The following TNFSF4 variants were observed in gnomAD, a reference collection of about 807,000 sequenced individuals.
The protein encoded by TNFSF4 is tumor necrosis factor ligand superfamily member 4.
In TNFSF4, 4 loss-of-function variants were observed where a neutral mutation model predicts 7.3. The ratio of observed to expected loss-of-function variants is 0.55; its 90% CI spans 0.27 to 1.25. The LOEUF is 1.25. TNFSF4 is among the 50% of genes most tolerant of loss of function. The probability of loss-of-function intolerance (pLI) is 0.12; values close to 1 mark genes in which losing one functional copy is unlikely to be tolerated. For missense variants in TNFSF4, 181 were observed against 208.8 expected (o/e 0.87, Z 0.82); for synonymous variants, 76 against 83.7 (o/e 0.91, Z 0.50).
At chr1:173,250,403 A>G in the TNFSF4 span, among the ~76,000 whole-genome samples, 1 of 152,150 alleles carries the variant, frequency 6.6e-6, no homozygotes, top group Non-Finnish European at 1.5e-5. Flanking sequence ...ATATGTACAA[A>G]GCTACCAGCC....
the TNFSF4 span, among the ~76,000 whole-genome samples, chr1:173,408,238 G>A: frequency 6.6e-6 from 1 of 152,128 alleles, no homozygotes; most frequent in African/African-American, 2.4e-5. Context: ...AGATGAGTTT[G>A]GAATATCTTG....
the TNFSF4 span, among the ~76,000 whole-genome samples, chr1:173,221,073 C>G: frequency 6.6e-6 from 1 of 152,126 alleles, no homozygotes. Flanking sequence ...GAAGAACATT[C>G]TAGGCAGTAG....
At chr1:173,269,592 G>A in the TNFSF4 span, among the ~76,000 whole-genome samples, 1 of 152,058 alleles carries the variant, frequency 6.6e-6, no homozygotes, top group East Asian at 1.9e-4. Flanking sequence ...AAGCCGGATG[G>A]CTATGAAGTG....
chr1:173,393,162 A>G, the TNFSF4 span, among the ~76,000 whole-genome samples: 1 of 152,200 alleles, frequency 6.6e-6, no homozygotes, highest in African/African-American at 2.4e-5. Flanking sequence ...GTGGAAAAGG[A>G]TACCCAGATG....
the TNFSF4 span, among the ~76,000 whole-genome samples, chr1:173,401,064 C>T: frequency 1.3e-5 from 2 of 152,030 alleles, no homozygotes. Flanking sequence ...TCCTCTCTTA[C>T]TCCCTTATTA....
the TNFSF4 span, among the ~76,000 whole-genome samples, chr1:173,359,886 A>G: frequency 6.6e-6 from 1 of 152,244 alleles, no homozygotes; most frequent in Non-Finnish European, 1.5e-5. Context: ...CTGATGTTCC[A>G]GGTCCTGCCT....
chr1:173,186,370 G>T lies in TNFSF4; in HGVS notation c.*146C>A, dbSNP rs190846117. The T allele has an allele frequency of 8.1e-6, 5 of 613,922 alleles. No individual in the cohort carries two copies. Among genetic ancestry groups the T allele is most frequent in the Admixed American group, 3.0e-5 (1 of 33,566 alleles). 38.0% of individuals were successfully genotyped at this position (613,922 alleles called of 1,614,324 possible). Reference sequence around the variant, plus strand: ...GTTTTAAATATCCCTGAGGGGTGGGGGCGGGAGGGCCAGGATCTGCTTCTT... The same window carrying T: ...GTTTTAAATATCCCTGAGGGGTGGGTGCGGGAGGGCCAGGATCTGCTTCTT... On this transcript the variant is annotated 3_prime_UTR_variant, in exon 3 of 3. Coordinates refer to ENST00000281834, the MANE Select transcript of TNFSF4 (RefSeq NM_003326.5).
the TNFSF4 span, among the ~76,000 whole-genome samples, chr1:173,399,136 G>A: frequency 6.6e-6 from 1 of 152,118 alleles, no homozygotes; most frequent in African/African-American, 2.4e-5. Context: ...GGGGTGATGT[G>A]TATGGGACTG....
At chr1:173,221,031 C>T in the TNFSF4 span, among the ~76,000 whole-genome samples, 1 of 152,184 alleles carries the variant, frequency 6.6e-6, no homozygotes, top group African/African-American at 2.4e-5. Flanking sequence ...AAAGCCTTCA[C>T]ATGGGTCAGT....
the TNFSF4 span, among the ~76,000 whole-genome samples, chr1:173,274,696 A>C: frequency 2.0e-5 from 3 of 152,152 alleles, no homozygotes; most frequent in African/African-American, 7.2e-5. Context: ...CAGAGATTCA[A>C]ATGTTACACA....
chr1:173,263,537 G>A, the TNFSF4 span, among the ~76,000 whole-genome samples: 3 of 152,052 alleles, frequency 2.0e-5, no homozygotes, highest in African/African-American at 7.2e-5. Context: ...CCACCTAACT[G>A]GCTAAAGAAT....
the TNFSF4 span, among the ~76,000 whole-genome samples, chr1:173,426,863 G>A: frequency 2.0e-5 from 3 of 152,106 alleles, no homozygotes; most frequent in Non-Finnish European, 4.4e-5. Context: ...CAAAGTGTTA[G>A]GATTACAGGC....
chr1:173,213,303 T>A, the TNFSF4 span, among the ~76,000 whole-genome samples: 3 of 152,214 alleles, frequency 2.0e-5, no homozygotes, highest in Non-Finnish European at 4.4e-5. Flanking sequence ...AGTTTTGTTT[T>A]TTTTTAAATC....
chr1:173,300,636 CTT>C, the TNFSF4 span, among the ~76,000 whole-genome samples: 4 of 151,800 alleles, frequency 2.6e-5, no homozygotes, highest in Non-Finnish European at 4.4e-5. Context: ...TTTTTTCTAC[CTT>C]TTTCTTTCAA....
At chr1:173,255,817 G>A in the TNFSF4 span, among the ~76,000 whole-genome samples, 2 of 152,186 alleles carry the variant, frequency 1.3e-5, no homozygotes, top group African/African-American at 4.8e-5. Flanking sequence ...GTTTTTATCT[G>A]TGCCCCCACC....
chr1:173,394,262 T>A, the TNFSF4 span, among the ~76,000 whole-genome samples: 1 of 150,568 alleles, frequency 6.6e-6, no homozygotes. Flanking sequence ...TAAAAATATG[T>A]TCATGAGTTT....
At chr1:173,278,014 G>T in the TNFSF4 span, among the ~76,000 whole-genome samples, 1 of 152,072 alleles carries the variant, frequency 6.6e-6, no homozygotes, top group African/African-American at 2.4e-5. Context: ...AATCCTTCTT[G>T]TGTCAGGCCT....
intron 1 of TNFSF4, among the ~76,000 whole-genome samples, chr1:173,206,174 C>T (rs1650179537): frequency 6.6e-6 from 1 of 152,014 alleles, no homozygotes; most frequent in Admixed American, 6.6e-5. Context: ...ATCAGACTAG[C>T]TCAACAAAGG....
chr1:173,237,414 A>G, the TNFSF4 span, among the ~76,000 whole-genome samples: 1 of 152,234 alleles, frequency 6.6e-6, no homozygotes, highest in Non-Finnish European at 1.5e-5. Context: ...CAGAGCAATC[A>G]GGCAAGAGAA....
Sources: allele counts gnomAD v4.1 joint callset (sites outside exome capture counted in the v4.1 genomes callset), GRCh38; gene constraint gnomAD v4.1.1; transcripts MANE v1.5; gene names NCBI Gene and HGNC (gene_info 2026-07-23, HGNC 2026-07-21).